PIGN: variants seen among roughly 807,000 people sequenced by gnomAD.
The protein encoded by PIGN is GPI ethanolamine phosphate transferase 1.
Under a neutral mutation model 125.4 loss-of-function variants are expected in PIGN, and 117 were observed. That is an observed-to-expected ratio of 0.93 (90% CI 0.80 to 1.09). The LOEUF (loss-of-function observed/expected upper bound fraction) is 1.09. PIGN is among the 50% of genes least tolerant of loss of function. The pLI is 0.00. For missense variants in PIGN, 1,075 were observed against 1,094.9 expected (o/e 0.98, Z 0.26); for synonymous variants, 392 against 377.8 (o/e 1.04, Z -0.44).
chr18:62,055,355 A>G (rs561866653), intron 30 of PIGN, among the ~76,000 whole-genome samples: 32 of 152,336 alleles, frequency 2.1e-4, no homozygotes, highest in African/African-American at 6.7e-4. Context: ...ACAATGAATC[A>G]CCAGAGAATT....
intron 24 of PIGN, among the ~76,000 whole-genome samples, chr18:62,089,326 G>C (rs1215419030): frequency 1.3e-5 from 2 of 152,010 alleles, no homozygotes; most frequent in African/African-American, 4.8e-5. Flanking sequence ...TCCTGTCTTT[G>C]GTAGAACAGA....
chr18:62,145,064 T>C (rs2036274130), intron 10 of PIGN, among the ~76,000 whole-genome samples: 1 of 151,894 alleles, frequency 6.6e-6, no homozygotes, highest in Non-Finnish European at 1.5e-5. Flanking sequence ...TCTTTTATCA[T>C]ATCACCCTAA....
intron 30 of PIGN, among the ~76,000 whole-genome samples, chr18:62,054,273 A>C (rs1301071805): frequency 6.6e-6 from 1 of 152,056 alleles, no homozygotes; most frequent in African/African-American, 2.4e-5. Context: ...ACATTTTAGA[A>C]AAAAAATCTT....
At chr18:62,111,264 C>A (rs1856501204) in intron 16 of PIGN, among the ~76,000 whole-genome samples, 1 of 152,072 alleles carries the variant, frequency 6.6e-6, no homozygotes, top group Non-Finnish European at 1.5e-5. Flanking sequence ...AAATAACTTA[C>A]ATAAAGCACC....
rs377727502 is a variant in PIGN at position 62,154,684 on chromosome 18, T to C, written c.443-33A>G. 5 of 988,584 alleles carry C rather than the reference T, an allele frequency of 5.1e-6. No individual in the cohort carries two copies. In the East Asian group the frequency reaches 7.2e-5, roughly 14 times the overall value. 61.2% of individuals were successfully genotyped at this position (988,584 alleles called of 1,614,324 possible). A position where few individuals can be genotyped will look rare whatever the true frequency, so the allele number is the denominator to read the frequency against. Reference sequence around the variant, plus strand: ...GAAAATTTGGAAAAAATAATCTTTTTACAAAATCTTTTAAACTATCATAAA... The same window carrying C: ...GAAAATTTGGAAAAAATAATCTTTTCACAAAATCTTTTAAACTATCATAAA... On this transcript the variant is annotated intron_variant, in intron 6 of 30. Transcript: ENST00000640252.
chr18:62,105,630 G>C lies in PIGN; in HGVS notation c.1772C>G (p.Thr591Ser). 6.5e-7 allele frequency: 1 copy of C among 1,537,494 alleles called. No homozygotes were observed. Among genetic ancestry groups the C allele is most frequent in the Non-Finnish European group, 8.8e-7 (1 of 1,139,658 alleles). Residue 591 changes from threonine (T) to serine (S), a missense_variant, in exon 20 of 31, where the codon ACC becomes AGC. Transcript: ENST00000640252. ...AGAGAAGAAAGTCCAACTCAGTGAG[G>C]TCATCTAAAATCAAGAAAAAAGTTA... is the stretch of plus-strand genomic sequence containing the variant. ...LTRLWTRAKMTSLSWTFFSLL... is the reference protein window; with the variant it reads ...LTRLWTRAKMSSLSWTFFSLL...
chr18:62,114,888 T>C (rs1317266020), intron 14 of PIGN, among the ~76,000 whole-genome samples: 1 of 152,170 alleles, frequency 6.6e-6, no homozygotes, highest in African/African-American at 2.4e-5. Flanking sequence ...ATATAATCCA[T>C]CATTCTGAAG....
At chr18:62,183,182 A>T (rs2037776914) in intron 1 of PIGN, among the ~76,000 whole-genome samples, 1 of 152,126 alleles carries the variant, frequency 6.6e-6, no homozygotes, top group Non-Finnish European at 1.5e-5. Context: ...AATGTATATA[A>T]ACTGAAGAAC....
chr18:62,111,801 T>C (rs1054385398), intron 16 of PIGN, among the ~76,000 whole-genome samples: 3 of 152,190 alleles, frequency 2.0e-5, no homozygotes, highest in African/African-American at 7.2e-5. Flanking sequence ...CAATGTGGCT[T>C]AGGGTAGCCA....
At chr18:62,047,429 G>A (rs978761577) in intron 30 of PIGN, among the ~76,000 whole-genome samples, 2 of 152,324 alleles carry the variant, frequency 1.3e-5, no homozygotes, top group Non-Finnish European at 2.9e-5. Flanking sequence ...CTAGTGGAGA[G>A]CCAGGAATTC....
At chr18:62,181,848 T>C (rs1172737107) in intron 1 of PIGN, among the ~76,000 whole-genome samples, 1 of 152,150 alleles carries the variant, frequency 6.6e-6, no homozygotes, top group Non-Finnish European at 1.5e-5. Flanking sequence ...TGCCTCAGCC[T>C]CCCAAGTAGC....
At chr18:62,082,529 A>G in intron 28 of PIGN, 144 bp downstream of exon 28, 1 of 501,224 alleles carries the variant, frequency 2.0e-6, no homozygotes, top group Non-Finnish European at 3.6e-6. Flanking sequence ...AACACTGACT[A>G]AACGGGTGAA....
rs1051096038 is a variant in PIGN, at chr18:62,186,933, T to C, written c.-325A>G. The C allele has an allele frequency of 9.8e-5, 15 of 152,318 alleles. No individual in the cohort carries two copies. The allele number at this position is 152,318 out of a possible 1,614,324, so 9.4% of individuals were successfully genotyped here. On this transcript the variant is annotated 5_prime_UTR_variant, in exon 1 of 31. Transcript: ENST00000640252. Reference sequence around the variant, plus strand: ...CAGCTCCATTAAAGCTCTCGGGCAGTGGTCCCCTCTACCCACTGAAGCGAT... The same window carrying C: ...CAGCTCCATTAAAGCTCTCGGGCAGCGGTCCCCTCTACCCACTGAAGCGAT...
intron 6 of PIGN, among the ~76,000 whole-genome samples, chr18:62,155,150 T>C (rs895714974): frequency 2.6e-5 from 4 of 152,212 alleles, no homozygotes; most frequent in African/African-American, 4.8e-5. Context: ...AGAATAAATA[T>C]TGCTTATTGC....
chr18:62,060,881 G>C lies in PIGN; in HGVS notation c.2672+11792C>G, dbSNP rs149302779. On this transcript the variant is annotated intron_variant, in intron 30 of 30. Transcript: ENST00000640252. ...TGTACTTTCAGTATGCCGTATAAAA[G>C]GCAATACTCTATAAAGTTTATGACC... is the stretch of plus-strand genomic sequence containing the variant. 4.3e-3 allele frequency among the ~76,000 whole-genome samples: 648 copies of C among 152,188 alleles called. 3 individuals are homozygous for C. The highest frequency in any genetic ancestry group is 0.015 in the African/African-American group (622 of 41,524).
Position 62,152,868 on chromosome 18 carries a change from A to ATT in PIGN, c.549+1675_549+1676dup, listed in dbSNP as rs67953114. Among the ~76,000 whole-genome samples, 94 of 144,848 alleles carry ATT rather than the reference A, an allele frequency of 6.5e-4. No homozygotes were observed. The South Asian group carries it at 7.4e-3, about 11-fold the overall frequency. On this transcript the variant is annotated intron_variant, in intron 7 of 30. Coordinates refer to ENST00000640252, the MANE Select transcript of PIGN (RefSeq NM_176787.5). ...GTATTTTGCATATATATATATATAT[A>ATT]TTTTTTTTTTTAACCACAGTTACAA...
At chr18:62,032,738 C>G (rs943870413) in intron 23 of PIGN, among the ~76,000 whole-genome samples, 2 of 152,116 alleles carry the variant, frequency 1.3e-5, no homozygotes, top group African/African-American at 4.8e-5. Flanking sequence ...TTTCAGTTTT[C>G]CCATCTGTAA....
chr18:62,054,395 T>A (rs1405852283), intron 30 of PIGN, among the ~76,000 whole-genome samples: 1 of 149,480 alleles, frequency 6.7e-6, no homozygotes, highest in African/African-American at 2.4e-5. Flanking sequence ...TTTTGCTCTG[T>A]GAAGGGCCCT....
intron 30 of PIGN, among the ~76,000 whole-genome samples, chr18:62,063,264 G>GGTTTTATAGATTTTAT (rs1568132091): frequency 0.043 from 998 of 23,122 alleles, 3 homozygotes; most frequent in African/African-American, 0.076. Flanking sequence ...ATAGATTTTA[G>GGTTTTATAGATTTTAT]CCAAAATCTA....
Sources: gnomAD v4.1 joint callset for allele counts (sites outside exome capture counted in the v4.1 genomes callset) on GRCh38, gnomAD v4.1.1 for gene constraint, MANE v1.5 for transcripts, NCBI Gene and HGNC (gene_info 2026-07-23, HGNC 2026-07-21) for gene names.